The following UQCC1 variants were observed in gnomAD, a reference collection of about 807,000 sequenced individuals.
UQCC1 encodes bFGF-repressed Zic-binding protein.
UQCC1 carries 38 observed loss-of-function variants against 48.0 expected under a neutral mutation model. That is an observed-to-expected ratio of 0.79 (90% CI 0.61 to 1.04). UQCC1 has a LOEUF of 1.04. UQCC1 is among the 50% of genes least tolerant of loss of function. The pLI, the probability that UQCC1 is intolerant of heterozygous loss-of-function variation, is 0.00. For missense variants in UQCC1, 368 were observed against 381.8 expected, an observed-to-expected ratio of 0.96 and a Z score of 0.30; for synonymous variants, 111 against 129.2, an observed-to-expected ratio of 0.86 and a Z score of 0.95.
chr20:35,320,295 T>C (rs1172578857), intron 7 of UQCC1, among the ~76,000 whole-genome samples: 1 of 152,218 alleles, frequency 6.6e-6, no homozygotes, highest in Non-Finnish European at 1.5e-5. Flanking sequence ...ACTTTACACA[T>C]TAGCCCACTT....
intron 1 of UQCC1, 123 bp from the exon 2 acceptor site, chr20:35,394,319 C>G (rs1242566648): frequency 1.9e-5 from 16 of 837,620 alleles, no homozygotes; most frequent in Non-Finnish European, 3.0e-5. Context: ...ATCTCTAGTT[C>G]CTGGCACAGA....
intron 2 of UQCC1, among the ~76,000 whole-genome samples, chr20:35,389,310 T>G (rs2061985044): frequency 6.6e-6 from 1 of 152,054 alleles, no homozygotes; most frequent in African/African-American, 2.4e-5. Flanking sequence ...GCTTATAATT[T>G]GCACCTCTCT....
At chr20:35,379,101 C>T (rs900317792) in intron 4 of UQCC1, among the ~76,000 whole-genome samples, 1 of 152,134 alleles carries the variant, frequency 6.6e-6, no homozygotes, top group Admixed American at 6.5e-5. Flanking sequence ...TGGCATGTGG[C>T]TGAGTTGGGT....
intron 7 of UQCC1, chr20:35,344,496 C>A (rs569900417): frequency 5.9e-5 from 9 of 152,218 alleles, no homozygotes; most frequent in Admixed American, 5.9e-4. Flanking sequence ...AGAGCTACTG[C>A]GCAACTGCCT....
At chr20:35,375,730 C>T (rs917405793) in intron 4 of UQCC1, among the ~76,000 whole-genome samples, 3 of 151,658 alleles carry the variant, frequency 2.0e-5, no homozygotes, top group South Asian at 2.1e-4. Flanking sequence ...ACAGGCAGAT[C>T]GGCTGAGCCC....
intron 6 of UQCC1, among the ~76,000 whole-genome samples, chr20:35,361,146 C>A (rs2061601074): frequency 6.6e-6 from 1 of 151,914 alleles, no homozygotes; most frequent in South Asian, 2.1e-4. Context: ...GCAAGCAGGT[C>A]ATTCCCACCT....
chr20:35,350,974 GGA>G (rs2061484314), intron 6 of UQCC1, among the ~76,000 whole-genome samples: 1 of 150,648 alleles, frequency 6.6e-6, no homozygotes. Context: ...CCCGAGGGGT[GGA>G]GGTTGCAGTG....
intron 6 of UQCC1, among the ~76,000 whole-genome samples, chr20:35,357,452 G>A (rs1003198302): frequency 2.6e-5 from 4 of 151,932 alleles, no homozygotes; most frequent in African/African-American, 4.8e-5. Context: ...CCAGGGAGGC[G>A]GAGGTTGCAG....
intron 2 of UQCC1, 25 bp downstream of exon 2, chr20:35,394,067 T>G: frequency 6.3e-7 from 1 of 1,598,882 alleles, no homozygotes; most frequent in Non-Finnish European, 8.6e-7. Flanking sequence ...GTTTTCATAC[T>G]AAGCAAAAGA....
At chr20:35,406,812 G>A (rs1224196948) in intron 1 of UQCC1, among the ~76,000 whole-genome samples, 1 of 152,144 alleles carries the variant, frequency 6.6e-6, no homozygotes, top group African/African-American at 2.4e-5. Context: ...GCATAAAGAT[G>A]TAATTTAGAT....
intron 4 of UQCC1, among the ~76,000 whole-genome samples, chr20:35,377,270 C>A (rs1168397898): frequency 6.6e-6 from 1 of 152,204 alleles, no homozygotes; most frequent in Admixed American, 6.5e-5. Context: ...TAATTCAACA[C>A]TGACAAATCA....
chr20:35,333,233 T>C (rs533551617), intron 7 of UQCC1, among the ~76,000 whole-genome samples: 25 of 152,286 alleles, frequency 1.6e-4, no homozygotes, highest in African/African-American at 6.0e-4. Context: ...AGTTGTAATA[T>C]GGGGACACTC....
intron 6 of UQCC1, among the ~76,000 whole-genome samples, chr20:35,355,616 C>T (rs150572638): frequency 6.6e-5 from 10 of 152,320 alleles, no homozygotes; most frequent in South Asian, 6.2e-4. Context: ...GCCACCTGAC[C>T]TTGAAGCCTA....
intron 6 of UQCC1, among the ~76,000 whole-genome samples, chr20:35,363,988 ACTT>A (rs1191752030): frequency 6.6e-6 from 1 of 152,086 alleles, no homozygotes; most frequent in Non-Finnish European, 1.5e-5. Context: ...TAGAAGAAAG[ACTT>A]CTCCGATTCT....
intron 6 of UQCC1, among the ~76,000 whole-genome samples, chr20:35,362,403 G>A (rs1197296309): frequency 1.3e-5 from 2 of 152,104 alleles, no homozygotes; most frequent in African/African-American, 4.8e-5. Flanking sequence ...TGTCGTCTAG[G>A]CCGGAGTGCG....
At chr20:35,398,450 T>A (rs1340090041) in intron 1 of UQCC1, among the ~76,000 whole-genome samples, 1 of 152,138 alleles carries the variant, frequency 6.6e-6, no homozygotes, top group Non-Finnish European at 1.5e-5. Flanking sequence ...CAGGTTGAGG[T>A]GGGGTGGAGA....
intron 5 of UQCC1, among the ~76,000 whole-genome samples, chr20:35,368,631 G>A (rs1459995220): frequency 6.6e-6 from 1 of 152,148 alleles, no homozygotes; most frequent in Non-Finnish European, 1.5e-5. Flanking sequence ...ACCCTGGAGG[G>A]AAGCATTATA....
At chr20:35,372,484 T>C (rs1208815786) in intron 5 of UQCC1, among the ~76,000 whole-genome samples, 1 of 152,166 alleles carries the variant, frequency 6.6e-6, no homozygotes, top group Non-Finnish European at 1.5e-5. Flanking sequence ...TAAATTGGAA[T>C]TATAATTCAG....
At chr20:35,395,938 A>T (rs1482454913) in intron 1 of UQCC1, among the ~76,000 whole-genome samples, 1 of 148,610 alleles carries the variant, frequency 6.7e-6, no homozygotes, top group Admixed American at 6.8e-5. Flanking sequence ...GACTTCTGGC[A>T]TTTTATGATT....
Sources: allele counts gnomAD v4.1 joint callset (sites outside exome capture counted in the v4.1 genomes callset), GRCh38; gene constraint gnomAD v4.1.1; transcripts MANE v1.5; gene names NCBI Gene and HGNC (gene_info 2026-07-23, HGNC 2026-07-21).